Variants in ZNF277 observed in about 807,000 individuals in gnomAD.
ZNF277 encodes zinc finger protein 277.
In ZNF277, 55 loss-of-function variants were observed where a neutral mutation model predicts 60.7. The observed-to-expected ratio is 0.91, with a 90% CI of 0.73 to 1.13. The LOEUF (loss-of-function observed/expected upper bound fraction) is 1.13, where lower values mean the gene tolerates loss of function less well. ZNF277 is among the 50% of genes most tolerant of loss of function. ZNF277 has a pLI of 0.00. For missense variants in ZNF277, 510 were observed against 523.0 expected, an observed-to-expected ratio of 0.98 and a Z score of 0.24; for synonymous variants, 178 against 179.3, an observed-to-expected ratio of 0.99 and a Z score of 0.06.
At chr7:112,280,798 T>G (rs1791921798) in intron 1 of ZNF277, among the ~76,000 whole-genome samples, 1 of 152,030 alleles carries the variant, frequency 6.6e-6, no homozygotes, top group African/African-American at 2.4e-5. Context: ...GCTAATTTTT[T>G]TGTGTTTGTA....
intron 5 of ZNF277, among the ~76,000 whole-genome samples, chr7:112,326,740 T>TG (rs1012404934): frequency 4.4e-4 from 67 of 151,738 alleles, no homozygotes; most frequent in Non-Finnish European, 6.6e-4. Flanking sequence ...AACATTTTTT[T>TG]GGGGGGGGAC....
chr7:112,232,374 C>T (rs1822363173), intron 1 of ZNF277, among the ~76,000 whole-genome samples: 1 of 152,142 alleles, frequency 6.6e-6, no homozygotes, highest in African/African-American at 2.4e-5. Context: ...CAGATTAACA[C>T]TTCATGTGGT....
intron 1 of ZNF277, among the ~76,000 whole-genome samples, chr7:112,255,969 C>T (rs1791298254): frequency 6.6e-6 from 1 of 152,132 alleles, no homozygotes; most frequent in Non-Finnish European, 1.5e-5. Context: ...TTCTCTCGAC[C>T]TTGCACATAC....
chr7:112,211,724 A>C (rs1821753976), intron 1 of ZNF277, among the ~76,000 whole-genome samples: 1 of 152,220 alleles, frequency 6.6e-6, no homozygotes, highest in Non-Finnish European at 1.5e-5. Flanking sequence ...ATTCTAATCT[A>C]CTTGTCTAGC....
intron 1 of ZNF277, among the ~76,000 whole-genome samples, chr7:112,230,907 T>C (rs1171270376): frequency 1.3e-5 from 2 of 152,144 alleles, no homozygotes; most frequent in East Asian, 3.9e-4. Context: ...AGAGGAGTGA[T>C]TGTGTCTTTA....
At chr7:112,279,025 A>T (rs1400118708) in intron 1 of ZNF277, among the ~76,000 whole-genome samples, 1 of 152,180 alleles carries the variant, frequency 6.6e-6, no homozygotes, top group African/African-American at 2.4e-5. Flanking sequence ...TATTTCTCTT[A>T]TAATATCTTC....
intron 1 of ZNF277, among the ~76,000 whole-genome samples, chr7:112,234,630 G>A (rs1016938168): frequency 7.2e-5 from 11 of 152,120 alleles, no homozygotes; most frequent in Non-Finnish European, 1.5e-4. Flanking sequence ...TACACTGCAA[G>A]CAATTTGTAG....
intron 1 of ZNF277, among the ~76,000 whole-genome samples, chr7:112,207,819 GCA>G: frequency 6.6e-6 from 1 of 152,218 alleles, no homozygotes; most frequent in South Asian, 2.1e-4. Context: ...TACCTCAGCG[GCA>G]CAGAGTTGAA....
chr7:112,324,913 A>C (rs1413447600), intron 5 of ZNF277, among the ~76,000 whole-genome samples: 2 of 152,146 alleles, frequency 1.3e-5, no homozygotes, highest in Non-Finnish European at 2.9e-5. Flanking sequence ...ACCTAGGGAC[A>C]AGAGAAGATG....
At chr7:112,312,644 G>T (rs1404881201) in intron 4 of ZNF277, among the ~76,000 whole-genome samples, 1 of 152,118 alleles carries the variant, frequency 6.6e-6, no homozygotes, top group Non-Finnish European at 1.5e-5. Context: ...AATGTTCACA[G>T]TTACCGAATG....
intron 1 of ZNF277, among the ~76,000 whole-genome samples, chr7:112,277,146 C>T (rs1488369694): frequency 7.0e-6 from 1 of 142,204 alleles, no homozygotes; most frequent in East Asian, 2.0e-4. Flanking sequence ...TGCAGTGGCA[C>T]GATCTCGGCT....
chr7:112,341,445 T>C (rs114316048), intron 11 of ZNF277, among the ~76,000 whole-genome samples: 2,604 of 152,310 alleles, frequency 0.017, 75 homozygotes, highest in African/African-American at 0.06. Flanking sequence ...ACTTAGGTTG[T>C]TTCTTACTTT....
At chr7:112,289,978 G>A (rs1381127328) in intron 2 of ZNF277, among the ~76,000 whole-genome samples, 2 of 151,946 alleles carry the variant, frequency 1.3e-5, no homozygotes, top group African/African-American at 4.8e-5. Flanking sequence ...TGCCATGCTG[G>A]TGCGCTGCAC....
In ZNF277 at chr7:112,336,120, G is replaced by C. The variant is rs1793326595; in HGVS notation, c.818G>C (p.Trp273Ser). 1 of 1,609,666 alleles carries C rather than the reference G, an allele frequency of 6.2e-7. No homozygotes were observed. The highest frequency in any genetic ancestry group is 8.5e-7 in the Non-Finnish European group (1 of 1,177,776). Residue 273 changes from tryptophan (W) to serine (S), a missense_variant, in exon 8 of 12, where the codon TGG (tryptophan) becomes TCG (serine). Physicochemically the swap from Trp to Ser is radical, Grantham distance 177 (BLOSUM62 -3). Coordinates refer to ENST00000361822, the MANE Select transcript of ZNF277 (RefSeq NM_021994.3). ...CCTACAAAGGAACTTGGAAAATCGT[G>C]GGAAGAAGTTCAGTTGGAAGATGAT... ...VINYLELGKS[W>S]EEVQLEDDRE...
intron 1 of ZNF277, among the ~76,000 whole-genome samples, chr7:112,245,045 G>T (rs191512952): frequency 2.6e-5 from 4 of 152,058 alleles, no homozygotes; most frequent in African/African-American, 9.6e-5. Flanking sequence ...TATATCTTTT[G>T]AATAAATGTT....
intron 4 of ZNF277, among the ~76,000 whole-genome samples, chr7:112,313,773 G>C (rs1183972627): frequency 1.3e-5 from 2 of 152,096 alleles, no homozygotes; most frequent in Non-Finnish European, 2.9e-5. Flanking sequence ...CTTTATAAAT[G>C]AAATATAAAC....
chr7:112,329,421 T>C (rs1793174251), intron 6 of ZNF277, among the ~76,000 whole-genome samples: 1 of 152,152 alleles, frequency 6.6e-6, no homozygotes, highest in Non-Finnish European at 1.5e-5. Flanking sequence ...AGTGGAAATA[T>C]TTGAGCAGAA....
chr7:112,239,170 G>A (rs1465383318), intron 1 of ZNF277, among the ~76,000 whole-genome samples: 31 of 152,034 alleles, frequency 2.0e-4, no homozygotes, highest in Admixed American at 2.0e-3. Context: ...GAAAGGAGAG[G>A]GAAGAGTAAA....
At chr7:112,333,153 A>T (rs115930678) in intron 7 of ZNF277, among the ~76,000 whole-genome samples, 4,144 of 128,368 alleles carry the variant, frequency 0.032, 207 homozygotes, top group African/African-American at 0.15. Context: ...TACTTTATTT[A>T]AAAAAAAAAA....
Sources: gnomAD v4.1 joint callset for allele counts (sites outside exome capture counted in the v4.1 genomes callset) on GRCh38, gnomAD v4.1.1 for gene constraint, MANE v1.5 for transcripts, NCBI Gene and HGNC (gene_info 2026-07-23, HGNC 2026-07-21) for gene names.